NIPBL: variants seen among roughly 807,000 people sequenced by gnomAD.
The protein encoded by NIPBL is NIPBL cohesin loading factor, also known as nipped-B-like protein.
A neutral mutation model predicts 321.8 loss-of-function variants in NIPBL; 19 were observed. That is an observed-to-expected ratio of 0.06 (90% CI 0.04 to 0.09). The LOEUF (loss-of-function observed/expected upper bound fraction) is 0.09, where lower values mean the gene tolerates loss of function less well. Ranked by LOEUF, NIPBL falls within the 10% of genes least tolerant of loss-of-function variation. NIPBL has a pLI of 1.00. For missense variants in NIPBL, 2,210 were observed against 3,327.0 expected (o/e 0.66, Z 8.26); for synonymous variants, 1,106 against 1,114.1 (o/e 0.99, Z 0.14).
chr5:37,008,230 TA>T, intron 19 of NIPBL, 142 bp downstream of exon 19: 7 of 636,370 alleles, frequency 1.1e-5, no homozygotes, highest in Non-Finnish European at 2.0e-5. Flanking sequence ...TACTAAGTCT[TA>T]TTAGACTTTA....
chr5:37,000,506 T>C lies in NIPBL; in HGVS notation c.3438T>C (p.Tyr1146=), dbSNP rs376555033. Reference sequence around the variant, plus strand: ...GAAGGAGTTCAGGTGGTGGTCGTTATCGAAACCGAAGTCCGTCAGATTCTG... The same window carrying C: ...GAAGGAGTTCAGGTGGTGGTCGTTACCGAAACCGAAGTCCGTCAGATTCTG... ...EGRRSSGGGR[Y]RNRSPSDSDM... The change falls in exon 12 of 47, where the codon TAT becomes TAC. Residue 1146 remains tyrosine (Y), a synonymous_variant. Coordinates refer to ENST00000282516, the MANE Select transcript of NIPBL (RefSeq NM_133433.4). The C allele has an allele frequency of 1.2e-5, 20 of 1,613,410 alleles. No individual in the cohort carries two copies. The highest frequency in any genetic ancestry group is 4.5e-5 in the East Asian group (2 of 44,886).
chr5:36,896,265 C>T (rs886178718), intron 1 of NIPBL, among the ~76,000 whole-genome samples: 1 of 152,180 alleles, frequency 6.6e-6, no homozygotes, highest in African/African-American at 2.4e-5. Flanking sequence ...TTTTGGCTCT[C>T]AATTTTATTC....
chr5:36,918,287 CTG>C (rs1561384733), intron 1 of NIPBL, among the ~76,000 whole-genome samples: 1 of 152,026 alleles, frequency 6.6e-6, no homozygotes. Context: ...TTTGAAGCAA[CTG>C]TGAGTGGGAG....
intron 3 of NIPBL, among the ~76,000 whole-genome samples, chr5:36,956,539 A>T (rs1054279809): frequency 4.7e-5 from 7 of 149,192 alleles, no homozygotes; most frequent in African/African-American, 1.7e-4. Flanking sequence ...CTAAGAAATG[A>T]TTGGTTAAAA....
rs115923849 is a variant in NIPBL at position 37,009,672 on chromosome 5, T to C, written c.4422-415T>C. ...ATAATCTGTGCTACCAACACTAGCATAGATGATCAAGAGCTGTGTAGCAGA... is the reference window on the plus strand; with the variant it reads ...ATAATCTGTGCTACCAACACTAGCACAGATGATCAAGAGCTGTGTAGCAGA... On this transcript the variant is annotated intron_variant, in intron 20 of 46. Transcript: ENST00000282516. Among the ~76,000 whole-genome samples the C allele has an allele frequency of 8.2e-3, 1,244 of 152,304 alleles. 12 individuals are homozygous for C. The highest frequency in any genetic ancestry group is 0.028 in the African/African-American group (1,182 of 41,564).
rs1252718809 is a variant in NIPBL, at chr5:36,895,008, T to C, written c.-80+17830T>C. Among the ~76,000 whole-genome samples the C allele has an allele frequency of 3.9e-5, 6 of 152,296 alleles. No individual in the cohort carries two copies. The East Asian group carries it at 9.7e-4, about 25-fold the overall frequency. ...AGGTTTGGAAAATATCTCACACTCT[T>C]ATAAACTGTAAAATTCACCCTTTTA... On this transcript the variant is annotated intron_variant, in intron 1 of 46. Coordinates refer to ENST00000282516, the MANE Select transcript of NIPBL (RefSeq NM_133433.4).
At chr5:37,046,864 T>C (rs2149734751) in intron 38 of NIPBL, among the ~76,000 whole-genome samples, 1 of 152,306 alleles carries the variant, frequency 6.6e-6, no homozygotes, top group Middle Eastern at 3.4e-3. Flanking sequence ...ACAAGAACAG[T>C]CTGTCCAGGT....
intron 1 of NIPBL, among the ~76,000 whole-genome samples, chr5:36,888,153 C>T (rs543602942): frequency 6.6e-6 from 1 of 152,184 alleles, no homozygotes; most frequent in East Asian, 1.9e-4. Flanking sequence ...AAAGATTTAG[C>T]AGTAATTGTG....
At chr5:36,888,040 C>T (rs925903341) in intron 1 of NIPBL, among the ~76,000 whole-genome samples, 2 of 152,172 alleles carry the variant, frequency 1.3e-5, no homozygotes. Context: ...TGTAACACTT[C>T]CCTGAATTAT....
At chr5:36,922,217 C>A (rs879825462) in intron 1 of NIPBL, among the ~76,000 whole-genome samples, 2 of 151,982 alleles carry the variant, frequency 1.3e-5, no homozygotes, top group Admixed American at 1.3e-4. Flanking sequence ...AAATATGTTA[C>A]CAGTTTCTAT....
chr5:36,926,670 A>G (rs991207102), intron 1 of NIPBL, among the ~76,000 whole-genome samples: 1 of 152,188 alleles, frequency 6.6e-6, no homozygotes, highest in Non-Finnish European at 1.5e-5. Flanking sequence ...AAGGAGAGGA[A>G]TTAGCCATTA....
At chr5:37,036,967 G>T (rs1751767026) in intron 33 of NIPBL, among the ~76,000 whole-genome samples, 1 of 151,832 alleles carries the variant, frequency 6.6e-6, no homozygotes, top group South Asian at 2.1e-4. Flanking sequence ...TCTTGAGCTA[G>T]AAATTTATTA....
chr5:37,023,748 T>A lies in NIPBL; in HGVS notation c.5575-837T>A, dbSNP rs74898826. ...CTTAAAATTGAAGACTATTTTCTTA[T>A]TCTTTTTTTTTTTTTTTTTTTTTTT... On this transcript the variant is annotated intron_variant, in intron 29 of 46. Coordinates refer to ENST00000282516, the MANE Select transcript of NIPBL (RefSeq NM_133433.4). Among the ~76,000 whole-genome samples, 47 of 148,566 alleles carry A rather than the reference T, an allele frequency of 3.2e-4. No individual in the cohort carries two copies. In the East Asian group the frequency reaches 6.6e-3, roughly 21 times the overall value.
At chr5:37,052,623 A>C (rs1049412040) in intron 42 of NIPBL, 57 bp downstream of exon 42, 6 of 1,332,290 alleles carry the variant, frequency 4.5e-6, no homozygotes, top group Non-Finnish European at 6.4e-6. Flanking sequence ...TTTTATGGAT[A>C]AAGTAGTCAT....
intron 26 of NIPBL, 25 bp downstream of exon 26, chr5:37,020,698 T>C: frequency 1.3e-6 from 2 of 1,598,422 alleles, no homozygotes; most frequent in Non-Finnish European, 8.6e-7. Context: ...GAAAACAGTT[T>C]ACATTTATCT....
chr5:37,045,591 C>T lies in NIPBL; in HGVS notation c.6492C>T (p.Asn2164=), dbSNP rs1752886092. The part of the protein sequence containing the change: ...FDFDLEDFKG[N]SKVNIKDKVL... ...TTGATCTGGAAGATTTTAAAGGCAACAGCAAGGTAAAGGTAGTAATACTTA... is the reference window on the plus strand; with the variant it reads ...TTGATCTGGAAGATTTTAAAGGCAATAGCAAGGTAAAGGTAGTAATACTTA... The change falls in exon 37 of 47, where the codon AAC becomes AAT. Residue 2164 remains asparagine (N), a synonymous_variant. Transcript: ENST00000282516. 1 of 1,613,766 alleles carries T rather than the reference C, an allele frequency of 6.2e-7. No homozygotes were observed. The highest frequency in any genetic ancestry group is 8.5e-7 in the Non-Finnish European group (1 of 1,179,830).
At chr5:36,885,840 T>C (rs111683662) in intron 1 of NIPBL, 1 of 694,806 alleles carries the variant, frequency 1.4e-6, no homozygotes, top group African/African-American at 1.8e-5. Flanking sequence ...CTGCTCTTAA[T>C]GAAGGAGAAC....
At chr5:37,054,840 T>C (rs1378062626) in intron 42 of NIPBL, among the ~76,000 whole-genome samples, 3 of 151,946 alleles carry the variant, frequency 2.0e-5, no homozygotes, top group Admixed American at 2.0e-4. Context: ...TGGGAAATAA[T>C]GAATAGTTTG....
chr5:37,060,813 TA>T (rs1410197077), intron 44 of NIPBL, 30 bp from the exon 45 acceptor site: 15 of 1,596,528 alleles, frequency 9.4e-6, no homozygotes, highest in Non-Finnish European at 4.3e-6. Context: ...TCCATAGTTT[TA>T]AAGTTTTTGG....
Sources: gnomAD v4.1 joint callset for allele counts (sites outside exome capture counted in the v4.1 genomes callset) on GRCh38, gnomAD v4.1.1 for gene constraint, MANE v1.5 for transcripts, NCBI Gene and HGNC (gene_info 2026-07-23, HGNC 2026-07-21) for gene names.